EFNA3: variants seen among roughly 807,000 people sequenced by gnomAD.
The protein encoded by EFNA3 is ephrin-A3.
In EFNA3, 15 loss-of-function variants were observed where a neutral mutation model predicts 25.0. The observed-to-expected ratio is 0.60, with a 90% CI of 0.40 to 0.92. EFNA3 has a LOEUF of 0.92. EFNA3 is among the 40% of genes least tolerant of loss of function. The pLI is 0.00. For synonymous variants in EFNA3, 153 were observed against 145.6 expected, an observed-to-expected ratio of 1.05 and a Z score of -0.37; for missense variants, 298 against 323.8, an observed-to-expected ratio of 0.92 and a Z score of 0.61.
chr1:155,082,507 G>A (rs1268267755), intron 1 of EFNA3, among the ~76,000 whole-genome samples: 1 of 152,130 alleles, frequency 6.6e-6, no homozygotes, highest in Non-Finnish European at 1.5e-5. Context: ...GGCGCGGGCC[G>A]GCAGGGCACT....
chr1:155,086,447 G>C lies in EFNA3; in HGVS notation c.621G>C (p.Lys207Asn). ...AGGGAGAGAACCCTCAGGTGCCCAAGCTTGAGAAGAGCATCAGCGGGACCA... is the reference window on the plus strand; with the variant it reads ...AGGGAGAGAACCCTCAGGTGCCCAACCTTGAGAAGAGCATCAGCGGGACCA... ...DFEGENPQVP[K>N]LEKSISGTSP... Residue 207 changes from lysine to asparagine, a missense_variant, in exon 5 of 5, where the codon AAG becomes AAC. Transcript: ENST00000368408. The C allele has an allele frequency of 6.2e-7, 1 of 1,614,118 alleles. No individual in the cohort carries two copies. The highest frequency in any genetic ancestry group is 8.5e-7 in the Non-Finnish European group (1 of 1,179,972).
In EFNA3 at chr1:155,087,522, A is replaced by G. The variant is rs1212547900; in HGVS notation, c.*979A>G. ...TCTGCTCTTAGTCTAAAAAAAATAA[A>G]CTGGAGATAAAAATAACTGAGTGTG... On this transcript the variant is annotated 3_prime_UTR_variant, in exon 5 of 5. Coordinates refer to ENST00000368408, the MANE Select transcript of EFNA3 (RefSeq NM_004952.5). 6.5e-6 allele frequency: 1 copy of G among 152,792 alleles called. No individual in the cohort carries two copies. Among genetic ancestry groups the G allele is most frequent in the Non-Finnish European group, 1.5e-5 (1 of 68,074 alleles). The allele number at this position is 152,792 out of a possible 1,614,324, so 9.5% of individuals were successfully genotyped here. A position where few individuals can be genotyped will look rare whatever the true frequency, so the allele number is the denominator to read the frequency against.
chr1:155,084,924 C>G (rs921349621), intron 1 of EFNA3, among the ~76,000 whole-genome samples, 167 bp from the exon 2 acceptor site: 2 of 152,344 alleles, frequency 1.3e-5, no homozygotes, highest in East Asian at 1.9e-4. Context: ...CTTAGGGGAG[C>G]GGCGGCACTA....
At position 155,080,049 on chromosome 1, in the gene EFNA3, C is replaced by A. The variant is rs558183761; in HGVS notation, c.128+980C>A. 6.6e-6 allele frequency among the ~76,000 whole-genome samples: 1 copy of A among 152,194 alleles called. No individual in the cohort carries two copies. The highest frequency in any genetic ancestry group is 1.9e-4 in the East Asian group (1 of 5,170). On this transcript the variant is annotated intron_variant, in intron 1 of 4. Transcript: ENST00000368408. The surrounding 1 kb of genome is among the most constrained non-coding windows in gnomAD (Gnocchi z 7.0). ...CAGTCCTTGCTGCCCTTGTCTTCTC[C>A]TCCCCGCCAAGCCGCCGTGTGTATC...
intron 1 of EFNA3, among the ~76,000 whole-genome samples, chr1:155,083,850 T>C: frequency 6.6e-6 from 1 of 152,188 alleles, no homozygotes; most frequent in East Asian, 1.9e-4. Context: ...ACCCCATGCC[T>C]TTCTGTGTCC....
chr1:155,080,650 G>A lies in EFNA3; in HGVS notation c.128+1581G>A, dbSNP rs958618376. On this transcript the variant is annotated intron_variant, in intron 1 of 4. Coordinates refer to ENST00000368408, the MANE Select transcript of EFNA3 (RefSeq NM_004952.5). The surrounding 1 kb of genome is among the most constrained non-coding windows in gnomAD (Gnocchi z 7.0). ...CGTTCTTAGGGGAAGCCAGAGCCGG[G>A]GAGGATGCGGGAATAGGTTTGGTGG... Among the ~76,000 whole-genome samples, 25 of 152,230 alleles carry A rather than the reference G, an allele frequency of 1.6e-4. No homozygotes were observed. The highest frequency in any genetic ancestry group is 3.4e-4 in the Non-Finnish European group (23 of 68,022).
At position 155,085,346 on chromosome 1, in the gene EFNA3, C is replaced by A. The variant is rs891994295; in HGVS notation, c.384C>A (p.Arg128=). Residue 128 remains arginine, a synonymous_variant, in exon 2 of 5, where the codon CGC becomes CGA. Transcript: ENST00000368408. This position sits in a 1 kb window ranked among gnomAD's most constrained non-coding sequence, Gnocchi z 4.4. ...TCAAGTTCTCGGAGAAGTTCCAGCG[C>A]TACAGCGCCTTCTCTCTGGGCTACG... ...SPIKFSEKFQ[R]YSAFSLGYEF... is the part of the protein sequence containing the mutation. 1 of 1,612,726 alleles carries A rather than the reference C, an allele frequency of 6.2e-7. No individual in the cohort carries two copies. The highest frequency in any genetic ancestry group is 8.5e-7 in the Non-Finnish European group (1 of 1,179,354).
intron 1 of EFNA3, among the ~76,000 whole-genome samples, chr1:155,083,097 A>G (rs933270572): frequency 6.6e-6 from 1 of 152,118 alleles, no homozygotes; most frequent in African/African-American, 2.4e-5. Flanking sequence ...AACCTTTTTT[A>G]TAAGGCTAGT....
Position 155,080,443 on chromosome 1 carries a change from C to A in EFNA3, c.128+1374C>A, listed in dbSNP as rs1663320255. ...CTCGGGGGTGGGGACGTGGCCCCTC[C>A]CCCCCGGAGCGGGACTCCAAGAACT... On this transcript the variant is annotated intron_variant, in intron 1 of 4. Coordinates refer to ENST00000368408, the MANE Select transcript of EFNA3 (RefSeq NM_004952.5). This position sits in a 1 kb window ranked among gnomAD's most constrained non-coding sequence, Gnocchi z 7.0. Among the ~76,000 whole-genome samples the A allele has an allele frequency of 6.6e-6, 1 of 152,076 alleles. No individual in the cohort carries two copies. The highest frequency in any genetic ancestry group is 1.5e-5 in the Non-Finnish European group (1 of 67,982).
Position 155,085,179 on chromosome 1 carries a change from C to T in EFNA3, c.217C>T (p.Pro73Ser), listed in dbSNP as rs747266587. The change falls in exon 2 of 5, where the codon CCC becomes TCC. Residue 73 changes from proline (P) to serine (S), a missense_variant. Transcript: ENST00000368408. The surrounding 1 kb of genome is among the most constrained non-coding windows in gnomAD (Gnocchi z 4.4). ...GCACTACAACAGCTCGGGGGTGGGC[C>T]CCGGGGCGGGACCGGGGCCCGGAGG... is the stretch of plus-strand genomic sequence containing the variant. ...CPHYNSSGVG[P>S]GAGPGPGGGA... is the part of the protein sequence containing the mutation. 3 of 1,555,402 alleles carry T rather than the reference C, an allele frequency of 1.9e-6. No individual in the cohort carries two copies. The highest frequency in any genetic ancestry group is 2.7e-5 in the African/African-American group (2 of 74,460).
Position 155,078,916 on chromosome 1 carries a change from GGGCGGCGGCGGCGGCGGCTCCGGGGAT to G in EFNA3, c.-16_11del. On this transcript the variant is annotated start_lost and 5_prime_UTR_variant, in exon 1 of 5. Coordinates refer to ENST00000368408, the MANE Select transcript of EFNA3 (RefSeq NM_004952.5). ...GCCGGGAGCGCGGGGCTCAGTCGGGGGGCGGCGGCGGCGGCGGCTCCGGGGATGGCGGCGGCTCCGCTGCTGCTGCTG... is the reference window on the plus strand; with the variant it reads ...GCCGGGAGCGCGGGGCTCAGTCGGGGGGCGGCGGCTCCGCTGCTGCTGCTG... 5 of 1,376,256 alleles carry G rather than the reference GGGCGGCGGCGGCGGCGGCTCCGGGGAT, an allele frequency of 3.6e-6. No homozygotes were observed. Among genetic ancestry groups the G allele is most frequent in the South Asian group, 1.8e-5 (1 of 56,630 alleles). 85.3% of individuals were successfully genotyped at this position (1,376,256 alleles called of 1,614,324 possible). A position where few individuals can be genotyped will look rare whatever the true frequency, so the allele number is the denominator to read the frequency against.
At chr1:155,083,978 C>T (rs1306003875) in intron 1 of EFNA3, among the ~76,000 whole-genome samples, 1 of 152,230 alleles carries the variant, frequency 6.6e-6, no homozygotes, top group Admixed American at 6.5e-5. Context: ...CCCCACACCG[C>T]TCACTACTGC....
rs1265607546 is a variant in EFNA3, at chr1:155,086,160, C to A, written c.541C>A (p.Leu181Ile). The A allele has an allele frequency of 3.3e-5, 53 of 1,613,174 alleles. No homozygotes were observed. Among genetic ancestry groups the A allele is most frequent in the Non-Finnish European group, 4.4e-5 (52 of 1,179,602 alleles). ...SHSGEKPVPT[L>I]PQFTMGPNVK... The stretch of plus-strand genomic sequence containing the variant: ...CTCCGGGGAGAAGCCGGTCCCCACT[C>A]TCCCCCAGTTCACCATGGGCCCCAA... The change falls in exon 4 of 5, where the codon CTC becomes ATC. Residue 181 changes from leucine to isoleucine, a missense_variant. Physicochemically the swap from Leu to Ile is conservative, Grantham distance 5. Transcript: ENST00000368408.
rs1299517269 is a variant in EFNA3, at chr1:155,080,411, T to C, written c.128+1342T>C. ...AACGACGCCCCCCTCTCGCTTCCCA[T>C]GGAAACCTCGGGGGTGGGGACGTGG... On this transcript the variant is annotated intron_variant, in intron 1 of 4. Transcript: ENST00000368408. This position sits in a 1 kb window ranked among gnomAD's most constrained non-coding sequence, Gnocchi z 7.0. Among the ~76,000 whole-genome samples, 2 of 151,662 alleles carry C rather than the reference T, an allele frequency of 1.3e-5. No individual in the cohort carries two copies. The highest frequency in any genetic ancestry group is 6.6e-5 in the Admixed American group (1 of 15,262).
At position 155,087,198 on chromosome 1, in the gene EFNA3, AC is replaced by A. The variant is rs1663490570; in HGVS notation, c.*656del. The A allele has an allele frequency of 6.5e-6, 1 of 152,748 alleles. No homozygotes were observed. The highest frequency in any genetic ancestry group is 6.5e-5 in the Admixed American group (1 of 15,280). 9.5% of individuals were successfully genotyped at this position (152,748 alleles called of 1,614,324 possible). On this transcript the variant is annotated 3_prime_UTR_variant, in exon 5 of 5. Coordinates refer to ENST00000368408, the MANE Select transcript of EFNA3 (RefSeq NM_004952.5). ...ATCTCTATATATAATGTACAGACAGACAGAGTCCCTTCCCTCTTTAACCCCC... is the reference window on the plus strand; with the variant it reads ...ATCTCTATATATAATGTACAGACAGAAGAGTCCCTTCCCTCTTTAACCCCC...
chr1:155,086,885 G>GACATATGCCCCCAGAGAA lies in EFNA3; in HGVS notation c.*359_*360insAACATATGCCCCCAGAGA, dbSNP rs1663477522. 1 of 259,124 alleles carries GACATATGCCCCCAGAGAA rather than the reference G, an allele frequency of 3.9e-6. No homozygotes were observed. Among genetic ancestry groups the GACATATGCCCCCAGAGAA allele is most frequent in the African/African-American group, 2.3e-5 (1 of 44,262 alleles). The allele number at this position is 259,124 out of a possible 1,614,324, so 16.1% of individuals were successfully genotyped here. Reference sequence around the variant, plus strand: ...CCCTCTCCCTTTGTCCCCCCAGAGAGACATATGCCCCCAGAGAGAGCAAAT... The same window carrying GACATATGCCCCCAGAGAA: ...CCCTCTCCCTTTGTCCCCCCAGAGAGACATATGCCCCCAGAGAAACATATGCCCCCAGAGAGAGCAAAT... On this transcript the variant is annotated 3_prime_UTR_variant, in exon 5 of 5. Transcript: ENST00000368408.
At chr1:155,084,968 A>G in intron 1 of EFNA3, 123 bp from the exon 2 acceptor site, 1 of 1,126,414 alleles carries the variant, frequency 8.9e-7, no homozygotes, top group Non-Finnish European at 1.3e-6. Flanking sequence ...CTGAGCCGCG[A>G]GGAAGCTCGG....
Position 155,078,965 on chromosome 1 carries a change from G to A in EFNA3, c.24G>A (p.Leu8=), listed in dbSNP as rs1663285076. The A allele has an allele frequency of 1.4e-6, 2 of 1,428,772 alleles. No homozygotes were observed. Among genetic ancestry groups the A allele is most frequent in the Non-Finnish European group, 9.2e-7 (1 of 1,090,482 alleles). 88.5% of individuals were successfully genotyped at this position (1,428,772 alleles called of 1,614,324 possible). A position where few individuals can be genotyped will look rare whatever the true frequency, so the allele number is the denominator to read the frequency against. The change falls in exon 1 of 5, where the codon CTG becomes CTA. Residue 8 remains leucine (L), a synonymous_variant. Coordinates refer to ENST00000368408, the MANE Select transcript of EFNA3 (RefSeq NM_004952.5). The stretch of plus-strand genomic sequence containing the variant: ...GGATGGCGGCGGCTCCGCTGCTGCT[G>A]CTGCTGCTGCTCGTGCCCGTGCCGC... The part of the protein sequence containing the change: MAAAPLL[L]LLLLVPVPLL...
Position 155,085,180 on chromosome 1 carries a change from CCGGGGCGGGACCGGGGCCCGGAGG to C in EFNA3, c.225_248del (p.Gly76_Ala83del). The stretch of plus-strand genomic sequence containing the variant: ...CACTACAACAGCTCGGGGGTGGGCC[CCGGGGCGGGACCGGGGCCCGGAGG>C]CGGGGCAGAGCAGTACGTGCTGTAC... On this transcript the variant is annotated inframe_deletion, in exon 2 of 5. Coordinates refer to ENST00000368408, the MANE Select transcript of EFNA3 (RefSeq NM_004952.5). The surrounding 1 kb of genome is among the most constrained non-coding windows in gnomAD (Gnocchi z 4.4). The C allele has an allele frequency of 6.4e-7, 1 of 1,555,418 alleles. No homozygotes were observed.
Sources: allele counts gnomAD v4.1 joint callset (sites outside exome capture counted in the v4.1 genomes callset), GRCh38; gene constraint gnomAD v4.1.1; non-coding constraint Gnocchi (gnomAD v3.1); transcripts MANE v1.5; gene names NCBI Gene and HGNC (gene_info 2026-07-23, HGNC 2026-07-21).